CACNA2D3: variants seen among roughly 807,000 people sequenced by gnomAD.
CACNA2D3 encodes the protein voltage-dependent calcium channel subunit alpha-2/delta-3.
In CACNA2D3, 60 loss-of-function variants were observed where a neutral mutation model predicts 160.6. That is an observed-to-expected ratio of 0.37 (90% CI 0.30 to 0.46). CACNA2D3 has a LOEUF of 0.46. Ranked by LOEUF, CACNA2D3 falls within the 20% of genes least tolerant of loss-of-function variation. The probability of loss-of-function intolerance (pLI) is 1.00; values close to 1 mark genes in which losing one functional copy is unlikely to be tolerated. For missense variants in CACNA2D3, 1,205 were observed against 1,365.0 expected, an observed-to-expected ratio of 0.88 and a Z score of 1.85; for synonymous variants, 558 against 492.9, an observed-to-expected ratio of 1.13 and a Z score of -1.75.
intron 2 of CACNA2D3, among the ~76,000 whole-genome samples, chr3:54,192,108 T>C (rs1467654994): frequency 6.6e-6 from 1 of 151,798 alleles, no homozygotes; most frequent in Non-Finnish European, 1.5e-5. Context: ...TGCAGTGCTT[T>C]TTTTTTTTTT....
intron 13 of CACNA2D3, among the ~76,000 whole-genome samples, chr3:54,808,472 A>C (rs1160696917): frequency 1.3e-5 from 2 of 152,124 alleles, no homozygotes; most frequent in Non-Finnish European, 2.9e-5. Context: ...TAGCAGGGGA[A>C]AAGTGGGAGA....
chr3:55,019,961 A>C (rs1703410804), intron 35 of CACNA2D3, among the ~76,000 whole-genome samples: 1 of 152,084 alleles, frequency 6.6e-6, no homozygotes, highest in Admixed American at 6.6e-5. Flanking sequence ...GTACATTCAC[A>C]GTGTTGTGCA....
chr3:54,863,380 C>T (rs779319491), intron 17 of CACNA2D3, among the ~76,000 whole-genome samples: 1 of 152,144 alleles, frequency 6.6e-6, no homozygotes, highest in Non-Finnish European at 1.5e-5. Flanking sequence ...ACTCCTTTGC[C>T]TACAGCAGAG....
chr3:54,454,290 A>G (rs1575463625), intron 4 of CACNA2D3, among the ~76,000 whole-genome samples: 1 of 152,304 alleles, frequency 6.6e-6, no homozygotes, highest in Non-Finnish European at 1.5e-5. Flanking sequence ...TGACAGATGC[A>G]TTCCTTTATG....
At chr3:54,333,324 G>A (rs576759646) in intron 3 of CACNA2D3, among the ~76,000 whole-genome samples, 39 of 152,140 alleles carry the variant, frequency 2.6e-4, no homozygotes, top group Non-Finnish European at 5.0e-4. Flanking sequence ...GAGTTCGGGT[G>A]TCATTTTAAG....
At chr3:54,268,127 G>C (rs983023272) in intron 2 of CACNA2D3, among the ~76,000 whole-genome samples, 6 of 152,182 alleles carry the variant, frequency 3.9e-5, no homozygotes, top group Non-Finnish European at 7.3e-5. Flanking sequence ...ATTCTGAGCT[G>C]TGGCATGGAA....
intron 8 of CACNA2D3, among the ~76,000 whole-genome samples, chr3:54,577,391 A>G (rs1334849495): frequency 6.6e-6 from 1 of 152,158 alleles, no homozygotes; most frequent in Non-Finnish European, 1.5e-5. Flanking sequence ...GCCAGACATC[A>G]TGGGCTTGTC....
rs186173001 is a variant in CACNA2D3, at chr3:55,064,496, C to A, written c.2988-8949C>A. On this transcript the variant is annotated intron_variant, in intron 35 of 37. Coordinates refer to ENST00000474759, the MANE Select transcript of CACNA2D3 (RefSeq NM_018398.3). Reference sequence around the variant, plus strand: ...CCTGGGGAGATGGAGGAGAGTGCAACTGTACATGAGGCAAGCCTCAACCAC... The same window carrying A: ...CCTGGGGAGATGGAGGAGAGTGCAAATGTACATGAGGCAAGCCTCAACCAC... Among the ~76,000 whole-genome samples the A allele has an allele frequency of 1.4e-3, 213 of 152,298 alleles. 1 individual carries two copies. The highest frequency in any genetic ancestry group is 2.3e-3 in the Non-Finnish European group (157 of 68,010).
intron 17 of CACNA2D3, among the ~76,000 whole-genome samples, chr3:54,870,876 C>G (rs116725856): frequency 0.031 from 4,644 of 152,204 alleles, 206 homozygotes; most frequent in African/African-American, 0.098. Context: ...AGCCCCAGCT[C>G]TGGAGATCAG....
chr3:54,217,375 T>C (rs1427033154), intron 2 of CACNA2D3, among the ~76,000 whole-genome samples: 1 of 152,150 alleles, frequency 6.6e-6, no homozygotes, highest in African/African-American at 2.4e-5. Context: ...AGGGAGTTGA[T>C]GGACACCATA....
chr3:54,462,939 C>G (rs1213137891), intron 4 of CACNA2D3, among the ~76,000 whole-genome samples: 1 of 149,886 alleles, frequency 6.7e-6, no homozygotes, highest in Non-Finnish European at 1.5e-5. Flanking sequence ...ATGTTTAGTG[C>G]TTCCTTCAGG....
chr3:54,664,267 A>G, intron 11 of CACNA2D3, among the ~76,000 whole-genome samples: 1 of 152,214 alleles, frequency 6.6e-6, no homozygotes, highest in East Asian at 1.9e-4. Context: ...TGCCATGGGT[A>G]AGGCCAGTAG....
At chr3:54,536,581 T>C (rs556559117) in intron 5 of CACNA2D3, among the ~76,000 whole-genome samples, 6 of 152,310 alleles carry the variant, frequency 3.9e-5, no homozygotes, top group African/African-American at 1.4e-4. Context: ...TGTCCCCATG[T>C]CACTCTTACT....
chr3:54,246,586 GGGAGGCGGCTGTCTGTAATCCCAGCTACT>G (rs1300716586), intron 2 of CACNA2D3, among the ~76,000 whole-genome samples: 2 of 2,528 alleles, frequency 7.9e-4, no homozygotes, highest in African/African-American at 6.3e-3. Context: ...CCAGCTACTT[GGGAGGCGGCTGTCTGTAATCCCAGCTACT>G]TGGGAGGCTG....
At chr3:54,629,408 TTACCAATAA>T (rs1336894483) in intron 10 of CACNA2D3, among the ~76,000 whole-genome samples, 1 of 152,186 alleles carries the variant, frequency 6.6e-6, no homozygotes, top group East Asian at 1.9e-4. Flanking sequence ...AGACTCTCTT[TTACCAATAA>T]TACCTGTTGC....
At chr3:54,855,757 C>A (rs906109860) in intron 17 of CACNA2D3, among the ~76,000 whole-genome samples, 7 of 152,166 alleles carry the variant, frequency 4.6e-5, no homozygotes, top group Admixed American at 6.5e-5. Flanking sequence ...ATAAGCTCCC[C>A]CTTCTGCTCA....
chr3:54,140,146 A>C (rs1017042649), intron 2 of CACNA2D3, among the ~76,000 whole-genome samples: 2 of 152,218 alleles, frequency 1.3e-5, no homozygotes, highest in Non-Finnish European at 1.5e-5. Flanking sequence ...AATGGGCAGC[A>C]ACCATTATTT....
chr3:54,808,030 G>A (rs1703179437), intron 13 of CACNA2D3, among the ~76,000 whole-genome samples: 1 of 122,688 alleles, frequency 8.2e-6, no homozygotes, highest in Non-Finnish European at 1.6e-5. Context: ...ACAGGAAGGG[G>A]AACATCACAC....
intron 17 of CACNA2D3, among the ~76,000 whole-genome samples, chr3:54,855,917 TCA>T (rs1699159158): frequency 6.6e-6 from 1 of 152,210 alleles, no homozygotes; most frequent in Non-Finnish European, 1.5e-5. Flanking sequence ...TGCTGCCCTG[TCA>T]CCCCTCCTTT....
Sources: gnomAD v4.1 joint callset for allele counts (sites outside exome capture counted in the v4.1 genomes callset) on GRCh38, gnomAD v4.1.1 for gene constraint, MANE v1.5 for transcripts, NCBI Gene and HGNC (gene_info 2026-07-23, HGNC 2026-07-21) for gene names.